Variants in CNTNAP2 observed in about 807,000 individuals in gnomAD.
The protein encoded by CNTNAP2 is contactin associated protein 2.
A neutral mutation model predicts 155.2 loss-of-function variants in CNTNAP2; 98 were observed. The ratio of observed to expected loss-of-function variants is 0.63; its 90% confidence interval spans 0.54 to 0.75. CNTNAP2 has a LOEUF of 0.75. Ranked by LOEUF, CNTNAP2 falls within the 30% of genes least tolerant of loss-of-function variation. The pLI is 0.00. For missense variants in CNTNAP2, 1,727 were observed against 1,688.1 expected, an observed-to-expected ratio of 1.02 and a Z score of -0.40; for synonymous variants, 651 against 631.2, an observed-to-expected ratio of 1.03 and a Z score of -0.47.
At chr7:147,074,258 T>C (rs998972056) in intron 4 of CNTNAP2, among the ~76,000 whole-genome samples, 3 of 152,108 alleles carry the variant, frequency 2.0e-5, no homozygotes, top group African/African-American at 7.2e-5. Flanking sequence ...TATTCTTGGA[T>C]GGTGTGCTTG....
intron 21 of CNTNAP2, among the ~76,000 whole-genome samples, chr7:148,312,928 A>C (rs533735473): frequency 6.1e-5 from 9 of 148,688 alleles, no homozygotes; most frequent in Non-Finnish European, 1.2e-4. Context: ...GGGGGATGTG[A>C]AGGAGGCGTT....
At chr7:146,251,228 T>C (rs1338555641) in intron 1 of CNTNAP2, among the ~76,000 whole-genome samples, 1 of 152,202 alleles carries the variant, frequency 6.6e-6, no homozygotes, top group African/African-American at 2.4e-5. Context: ...TAAATTACCC[T>C]GATTCATTGA....
At chr7:146,381,552 A>G (rs187616433) in intron 1 of CNTNAP2, among the ~76,000 whole-genome samples, 1 of 152,252 alleles carries the variant, frequency 6.6e-6, no homozygotes, top group Non-Finnish European at 1.5e-5. Context: ...GAACTAAATG[A>G]GTTAATATTT....
intron 1 of CNTNAP2, among the ~76,000 whole-genome samples, chr7:146,759,525 C>A (rs1053227752): frequency 6.6e-6 from 1 of 151,692 alleles, no homozygotes; most frequent in East Asian, 1.9e-4. Context: ...AACCCCATCT[C>A]TACTAAAAAT....
At chr7:147,209,006 T>C (rs576664725) in intron 8 of CNTNAP2, among the ~76,000 whole-genome samples, 2 of 152,134 alleles carry the variant, frequency 1.3e-5, no homozygotes, top group East Asian at 3.9e-4. Context: ...ATATATAATC[T>C]GTTTGTTTTT....
chr7:147,916,908 G>GCTCGC (rs1220546837), intron 14 of CNTNAP2, among the ~76,000 whole-genome samples: 1 of 152,102 alleles, frequency 6.6e-6, no homozygotes. Flanking sequence ...TATTAATGAT[G>GCTCGC]CTCGCTCACT....
rs564052266 is a variant in CNTNAP2, at chr7:146,594,127, C to T, written c.98-180144C>T. Among the ~76,000 whole-genome samples, 4 of 152,276 alleles carry T rather than the reference C, an allele frequency of 2.6e-5. No homozygotes were observed. In the East Asian group the frequency reaches 5.8e-4, roughly 22 times the overall value. On this transcript the variant is annotated intron_variant, in intron 1 of 23. Transcript: ENST00000361727. ...TAATTTTCCATCCACTGACTCACATCGTGCTTTTTGGCTGTAATTCCCCCT... is the reference window on the plus strand; with the variant it reads ...TAATTTTCCATCCACTGACTCACATTGTGCTTTTTGGCTGTAATTCCCCCT...
intron 16 of CNTNAP2, among the ~76,000 whole-genome samples, chr7:148,119,096 T>C (rs1203498423): frequency 6.6e-6 from 1 of 152,218 alleles, no homozygotes; most frequent in Non-Finnish European, 1.5e-5. Context: ...TTGCAAATGT[T>C]GAACTCCGTT....
At chr7:148,126,990 CTA>C (rs1286067462) in intron 16 of CNTNAP2, among the ~76,000 whole-genome samples, 1 of 82,610 alleles carries the variant, frequency 1.2e-5, no homozygotes, top group African/African-American at 5.0e-5. Context: ...ACCATAGAGT[CTA>C]TTTTTGTTTA....
intron 8 of CNTNAP2, among the ~76,000 whole-genome samples, chr7:147,235,102 G>A (rs1247762549): frequency 3.3e-5 from 5 of 152,106 alleles, no homozygotes; most frequent in Non-Finnish European, 7.4e-5. Flanking sequence ...CATCCAATCA[G>A]TTGAAGGCCT....
At chr7:147,506,953 C>T (rs1798917345) in intron 11 of CNTNAP2, among the ~76,000 whole-genome samples, 3 of 152,202 alleles carry the variant, frequency 2.0e-5, no homozygotes, top group African/African-American at 7.2e-5. Context: ...CTGATCCTCA[C>T]TCCCCTCTCC....
intron 21 of CNTNAP2, among the ~76,000 whole-genome samples, chr7:148,314,513 G>A (rs957929731): frequency 6.6e-6 from 1 of 152,112 alleles, no homozygotes; most frequent in Non-Finnish European, 1.5e-5. Flanking sequence ...GGGAGAAGAA[G>A]GGGGAATGGA....
chr7:148,159,241 G>A (rs549059992), intron 17 of CNTNAP2, among the ~76,000 whole-genome samples: 6 of 152,000 alleles, frequency 3.9e-5, no homozygotes, highest in African/African-American at 7.2e-5. Context: ...ATTTTATTAC[G>A]TTTTTTCTTC....
chr7:147,708,116 A>AGCTGCAACCCTGCT (rs1476206049), intron 13 of CNTNAP2, among the ~76,000 whole-genome samples: 1 of 152,188 alleles, frequency 6.6e-6, no homozygotes, highest in Non-Finnish European at 1.5e-5. Context: ...AGAAGGCAGC[A>AGCTGCAACCCTGCT]GCTGCAACCC....
At chr7:146,190,593 G>A (rs977172535) in intron 1 of CNTNAP2, among the ~76,000 whole-genome samples, 6 of 152,028 alleles carry the variant, frequency 3.9e-5, no homozygotes, top group Non-Finnish European at 7.4e-5. Flanking sequence ...GTCCACCTTC[G>A]CCTTACAATC....
At chr7:146,231,262 C>T (rs1799380263) in intron 1 of CNTNAP2, among the ~76,000 whole-genome samples, 1 of 152,070 alleles carries the variant, frequency 6.6e-6, no homozygotes, top group Non-Finnish European at 1.5e-5. Context: ...AGGGCACACC[C>T]AGGTCCCAGT....
At chr7:147,532,099 G>A (rs529928662) in intron 11 of CNTNAP2, among the ~76,000 whole-genome samples, 1 of 152,058 alleles carries the variant, frequency 6.6e-6, no homozygotes, top group Non-Finnish European at 1.5e-5. Context: ...GAGCCACCAT[G>A]CCCGGCCAGG....
At chr7:147,796,950 G>T (rs1042998873) in intron 13 of CNTNAP2, among the ~76,000 whole-genome samples, 1 of 152,104 alleles carries the variant, frequency 6.6e-6, no homozygotes, top group Non-Finnish European at 1.5e-5. Flanking sequence ...TTAGACAGCT[G>T]AATGTTCTAC....
intron 3 of CNTNAP2, among the ~76,000 whole-genome samples, chr7:146,947,657 A>ACAT (rs2129227184): frequency 6.7e-6 from 1 of 148,304 alleles, no homozygotes; most frequent in South Asian, 2.1e-4. Context: ...TGTAATTCAA[A>ACAT]CATGTTGGGA....
Sources: allele counts gnomAD v4.1 joint callset (sites outside exome capture counted in the v4.1 genomes callset), GRCh38; gene constraint gnomAD v4.1.1; transcripts MANE v1.5; gene names NCBI Gene and HGNC (gene_info 2026-07-23, HGNC 2026-07-21).